The following RNF121 variants were observed in gnomAD, a reference collection of about 807,000 sequenced individuals.
RNF121 encodes E3 ubiquitin ligase RNF121.
Under a neutral mutation model 46.5 loss-of-function variants are expected in RNF121, and 21 were observed. That is an observed-to-expected ratio of 0.45 (90% CI 0.32 to 0.65). The LOEUF is 0.65. Among genes scored for constraint, RNF121 ranks in the 30% least tolerant of loss-of-function variants. RNF121 has a pLI of 0.04. For missense variants in RNF121, 346 were observed against 416.0 expected, an observed-to-expected ratio of 0.83 and a Z score of 1.46; for synonymous variants, 139 against 144.7, an observed-to-expected ratio of 0.96 and a Z score of 0.28.
At chr11:71,995,120 G>C (rs1185409764) in intron 7 of RNF121, 11 of 564,712 alleles carry the variant, frequency 1.9e-5, no homozygotes, top group Non-Finnish European at 3.2e-5. Flanking sequence ...CCAGTCACAG[G>C]GGAAGAGGAC....
intron 4 of RNF121, 126 bp downstream of exon 4, chr11:71,983,041 G>A (rs1590809242): frequency 2.2e-6 from 2 of 904,982 alleles, no homozygotes; most frequent in East Asian, 6.1e-5. Context: ...TTGGCATGGG[G>A]CCTCTCTAAA....
intron 1 of RNF121, among the ~76,000 whole-genome samples, chr11:71,931,391 AAAGT>A (rs1953274561): frequency 6.6e-6 from 1 of 152,144 alleles, no homozygotes; most frequent in African/African-American, 2.4e-5. Context: ...TATGTTTGAG[AAAGT>A]AAGCTCTGAG....
intron 6 of RNF121, 59 bp downstream of exon 6, chr11:71,990,776 ATG>A: frequency 6.3e-7 from 1 of 1,597,044 alleles, no homozygotes; most frequent in Non-Finnish European, 8.5e-7. Flanking sequence ...GCTCAAGTTG[ATG>A]TCACTTGTTT....
At chr11:71,971,239 C>A (rs1392610254) in intron 3 of RNF121, among the ~76,000 whole-genome samples, 2 of 151,934 alleles carry the variant, frequency 1.3e-5, no homozygotes, top group African/African-American at 4.8e-5. Context: ...AAAAAATTAG[C>A]CAGGTGTGAT....
At chr11:71,944,740 G>C (rs2134157675) in intron 1 of RNF121, among the ~76,000 whole-genome samples, 1 of 152,320 alleles carries the variant, frequency 6.6e-6, no homozygotes, top group East Asian at 1.9e-4. Flanking sequence ...AGAAGTACAT[G>C]AGGTTGAAGG....
intron 3 of RNF121, among the ~76,000 whole-genome samples, chr11:71,962,934 G>T (rs1954172832): frequency 6.6e-6 from 1 of 152,070 alleles, no homozygotes; most frequent in Non-Finnish European, 1.5e-5. Context: ...TGTCATTGTG[G>T]TGTTGATTTG....
intron 1 of RNF121, among the ~76,000 whole-genome samples, chr11:71,947,857 AT>A (rs1953762018): frequency 6.6e-6 from 1 of 152,238 alleles, no homozygotes; most frequent in South Asian, 2.1e-4. Flanking sequence ...GGCCACTCCA[AT>A]TGTTAGAGAA....
At chr11:71,987,739 G>A (rs1382309537) in intron 5 of RNF121, among the ~76,000 whole-genome samples, 9 of 152,196 alleles carry the variant, frequency 5.9e-5, no homozygotes, top group Admixed American at 3.9e-4. Context: ...GGGCTAGACC[G>A]TCTACCTACA....
chr11:71,982,617 G>A (rs1244224505), intron 3 of RNF121, 144 bp from the exon 4 acceptor site: 2 of 776,108 alleles, frequency 2.6e-6, no homozygotes, highest in African/African-American at 1.8e-5. Context: ...TCTCTGACTT[G>A]GATCACTAGT....
intron 3 of RNF121, among the ~76,000 whole-genome samples, chr11:71,969,128 C>A (rs970705586): frequency 3.3e-5 from 5 of 152,024 alleles, no homozygotes; most frequent in Non-Finnish European, 5.9e-5. Flanking sequence ...CTCAGGTGAT[C>A]CACCTGCCTC....
chr11:71,963,562 A>G (rs946184693), intron 3 of RNF121, among the ~76,000 whole-genome samples: 8 of 152,128 alleles, frequency 5.3e-5, no homozygotes, highest in African/African-American at 1.2e-4. Flanking sequence ...GGAGGTTGCA[A>G]TGAGCCAAGA....
At chr11:71,984,491 C>T (rs1954727228) in intron 4 of RNF121, among the ~76,000 whole-genome samples, 1 of 151,970 alleles carries the variant, frequency 6.6e-6, no homozygotes, top group Non-Finnish European at 1.5e-5. Context: ...CCGTGTTAGC[C>T]AGGATGTCTC....
chr11:71,979,832 T>A (rs1954608784), intron 3 of RNF121, among the ~76,000 whole-genome samples: 1 of 152,226 alleles, frequency 6.6e-6, no homozygotes, highest in Non-Finnish European at 1.5e-5. Flanking sequence ...TGTTTTTTTC[T>A]CAGAGAGAAC....
At chr11:71,962,764 G>A (rs1954167371) in intron 3 of RNF121, among the ~76,000 whole-genome samples, 1 of 152,184 alleles carries the variant, frequency 6.6e-6, no homozygotes, top group African/African-American at 2.4e-5. Flanking sequence ...AATGTTTTGA[G>A]GAACTGAGAA....
chr11:71,960,610 C>A, intron 2 of RNF121, 140 bp from the exon 3 acceptor site: 1 of 943,534 alleles, frequency 1.1e-6, no homozygotes. Flanking sequence ...TGTCCTAGCC[C>A]CTAATTTGTG....
chr11:71,930,898 T>C (rs1164963920), intron 1 of RNF121, among the ~76,000 whole-genome samples: 1 of 152,204 alleles, frequency 6.6e-6, no homozygotes, highest in East Asian at 1.9e-4. Flanking sequence ...AGTATTGCAA[T>C]CTCAGCTCAC....
chr11:71,966,838 T>C (rs1590795173), intron 3 of RNF121, among the ~76,000 whole-genome samples: 1 of 148,288 alleles, frequency 6.7e-6, no homozygotes, highest in South Asian at 2.1e-4. Context: ...TTCTACTTTA[T>C]TATATTTAAA....
intron 3 of RNF121, among the ~76,000 whole-genome samples, chr11:71,964,885 A>T (rs1399771480): frequency 6.6e-6 from 1 of 152,200 alleles, no homozygotes; most frequent in Non-Finnish European, 1.5e-5. Context: ...AAGTCCTCCC[A>T]GTTAGCTCTG....
chr11:71,935,300 T>G (rs1953380143), intron 1 of RNF121, among the ~76,000 whole-genome samples: 1 of 152,260 alleles, frequency 6.6e-6, no homozygotes, highest in Non-Finnish European at 1.5e-5. Context: ...TATCTCATTT[T>G]ATAGATGTGG....
Sources: gnomAD v4.1 joint callset for allele counts (sites outside exome capture counted in the v4.1 genomes callset) on GRCh38, gnomAD v4.1.1 for gene constraint, MANE v1.5 for transcripts, NCBI Gene and HGNC (gene_info 2026-07-23, HGNC 2026-07-21) for gene names.